The following SUMO3 variants were observed in gnomAD, a reference collection of about 807,000 sequenced individuals.
SUMO3 encodes the protein small ubiquitin-related modifier 3.
A neutral mutation model predicts 11.1 loss-of-function variants in SUMO3; 2 were observed. That is an observed-to-expected ratio of 0.18 (90% CI 0.07 to 0.57). The LOEUF (loss-of-function observed/expected upper bound fraction) is 0.57, where lower values mean the gene tolerates loss of function less well. SUMO3 is among the 20% of genes least tolerant of loss of function. The pLI, the probability that SUMO3 is intolerant of heterozygous loss-of-function variation, is 0.92. For synonymous variants in SUMO3, 56 were observed against 53.5 expected (o/e 1.05, Z -0.20); for missense variants, 70 against 132.8 (o/e 0.53, Z 2.32).
At chr21:44,814,863 A>G (rs989648414) in intron 1 of SUMO3, among the ~76,000 whole-genome samples, 3 of 152,230 alleles carry the variant, frequency 2.0e-5, no homozygotes, top group Non-Finnish European at 4.4e-5. Flanking sequence ...CTACTCAACA[A>G]TGGCACAATC....
Position 44,805,944 on chromosome 21 carries a change from C to G in SUMO3, c.*1007G>C, listed in dbSNP as rs1402091221. 2.6e-5 allele frequency: 4 copies of G among 152,328 alleles called. No individual in the cohort carries two copies. The highest frequency in any genetic ancestry group is 1.3e-4 in the Admixed American group (2 of 15,272). The allele number at this position is 152,328 out of a possible 1,614,324, so 9.4% of individuals were successfully genotyped here. On this transcript the variant is annotated 3_prime_UTR_variant, in exon 4 of 4. Transcript: ENST00000332859. ...ACCAGACTAATGCATAAATTCAATA[C>G]CTATTTGGAAAGCAGCACGGCACAA...
In SUMO3 at chr21:44,806,641, G is replaced by C; in HGVS notation, c.*310C>G. The C allele has an allele frequency of 2.2e-6, 1 of 452,792 alleles. No individual in the cohort carries two copies. The highest frequency in any genetic ancestry group is 2.4e-5 in the South Asian group (1 of 40,950). The allele number at this position is 452,792 out of a possible 1,614,324, so 28.0% of individuals were successfully genotyped here. A position where few individuals can be genotyped will look rare whatever the true frequency, so the allele number is the denominator to read the frequency against. On this transcript the variant is annotated 3_prime_UTR_variant, in exon 4 of 4. Coordinates refer to ENST00000332859, the MANE Select transcript of SUMO3 (RefSeq NM_006936.3). ...GGCCAGACTAAAAGCGAACATTCAG[G>C]CTATAATTTTGGGGTTAAAAAAATG... is the stretch of plus-strand genomic sequence containing the variant.
Position 44,807,036 on chromosome 21 carries a change from T to C in SUMO3, c.227A>G (p.Glu76Gly), listed in dbSNP as rs1226263799. ...INETDTPAQL[E>G]MEDEDTIDVF... is the part of the protein sequence containing the mutation. Reference sequence around the variant, plus strand: ...GTCGATGGTGTCCTCGTCCTCCATCTCCAGCTGTCATGGTTGTCACAACAG... The same window carrying C: ...GTCGATGGTGTCCTCGTCCTCCATCCCCAGCTGTCATGGTTGTCACAACAG... Residue 76 changes from glutamate (E) to glycine (G), a missense_variant, in exon 4 of 4, where the codon GAG (glutamate) becomes GGG (glycine). Glu to Gly is a moderately conservative substitution (Grantham distance 98). Coordinates refer to ENST00000332859, the MANE Select transcript of SUMO3 (RefSeq NM_006936.3). This position sits in a 1 kb window ranked among gnomAD's most constrained non-coding sequence, Gnocchi z 4.3. The C allele has an allele frequency of 2.5e-6, 4 of 1,613,816 alleles. No homozygotes were observed. The highest frequency in any genetic ancestry group is 2.5e-6 in the Non-Finnish European group (3 of 1,179,938).
chr21:44,814,198 A>C (rs796602003), intron 1 of SUMO3, 94 bp from the exon 2 acceptor site: 2 of 1,533,318 alleles, frequency 1.3e-6, no homozygotes, highest in Admixed American at 1.8e-5. Context: ...GGCTTTTTAA[A>C]GTCATCAAAA....
chr21:44,811,812 A>T lies in SUMO3; in HGVS notation c.150+2164T>A, dbSNP rs2146423163. On this transcript the variant is annotated intron_variant, in intron 2 of 3. Transcript: ENST00000332859. The surrounding 1 kb of genome is among the most constrained non-coding windows in gnomAD (Gnocchi z 5.0). Reference sequence around the variant, plus strand: ...GAGCAGCAGGAGGAACAGGAACTCCAAAAAGAGGGAACAGAGTCTGGAGAA... The same window carrying T: ...GAGCAGCAGGAGGAACAGGAACTCCTAAAAGAGGGAACAGAGTCTGGAGAA... Among the ~76,000 whole-genome samples, 1 of 152,298 alleles carries T rather than the reference A, an allele frequency of 6.6e-6. No homozygotes were observed. Among genetic ancestry groups the T allele is most frequent in the East Asian group, 1.9e-4 (1 of 5,172 alleles).
Position 44,817,932 on chromosome 21 carries a change from G to A in SUMO3, c.21+16C>T. On this transcript the variant is annotated intron_variant, in intron 1 of 3. Coordinates refer to ENST00000332859, the MANE Select transcript of SUMO3 (RefSeq NM_006936.3). ...CCCGCGATAGACGCGCGTGCAGGCG[G>A]GGTCGCCGCGCTTACCTTGGGCTTC... The A allele has an allele frequency of 8.5e-7, 1 of 1,170,192 alleles. No homozygotes were observed. The allele number at this position is 1,170,192 out of a possible 1,614,324, so 72.5% of individuals were successfully genotyped here.
In SUMO3 at chr21:44,818,006, G is replaced by A. The variant is rs1457283577; in HGVS notation, c.-38C>T. 2 of 1,173,090 alleles carry A rather than the reference G, an allele frequency of 1.7e-6. No individual in the cohort carries two copies. The highest frequency in any genetic ancestry group is 2.1e-6 in the Non-Finnish European group (2 of 950,752). The allele number at this position is 1,173,090 out of a possible 1,614,324, so 72.7% of individuals were successfully genotyped here. The stretch of plus-strand genomic sequence containing the variant: ...GGCGCGGGGAGGCGGCGCGGGGGAA[G>A]CAGCGCGGAGCGGGCGAGTCACGCT... On this transcript the variant is annotated 5_prime_UTR_variant, in exon 1 of 4. Transcript: ENST00000332859.
chr21:44,816,767 TG>T (rs569153183), intron 1 of SUMO3, among the ~76,000 whole-genome samples: 77 of 150,826 alleles, frequency 5.1e-4, no homozygotes, highest in African/African-American at 1.8e-3. Flanking sequence ...AGCATGGCAA[TG>T]GGGGAGACTA....
At position 44,806,631 on chromosome 21, in the gene SUMO3, G is replaced by A. The variant is rs762099154; in HGVS notation, c.*320C>T. The stretch of plus-strand genomic sequence containing the variant: ...TCAGATCCCTGGCCAGACTAAAAGC[G>A]AACATTCAGGCTATAATTTTGGGGT... On this transcript the variant is annotated 3_prime_UTR_variant, in exon 4 of 4. Coordinates refer to ENST00000332859, the MANE Select transcript of SUMO3 (RefSeq NM_006936.3). 40 of 399,936 alleles carry A rather than the reference G, an allele frequency of 1.0e-4. 2 individuals carry two copies. The highest frequency in any genetic ancestry group is 8.7e-4 in the Middle Eastern group (1 of 1,146). The allele number at this position is 399,936 out of a possible 1,614,324, so 24.8% of individuals were successfully genotyped here.
At chr21:44,813,581 A>G (rs146562340) in intron 2 of SUMO3, 4 of 269,504 alleles carry the variant, frequency 1.5e-5, no homozygotes, top group South Asian at 1.5e-4. Flanking sequence ...CTCATACGCG[A>G]GGACAGGGTG....
rs754192551 is a variant in SUMO3 at position 44,810,585 on chromosome 21, C to A, written c.151-1467G>T. On this transcript the variant is annotated intron_variant, in intron 2 of 3. Transcript: ENST00000332859. The surrounding 1 kb of genome is among the most constrained non-coding windows in gnomAD (Gnocchi z 4.1). ...GAAAGCGCGTGCCCTCAACACTGTGCGCCAAGTCCCCTCTCCCCTCCAGAT... is the reference window on the plus strand; with the variant it reads ...GAAAGCGCGTGCCCTCAACACTGTGAGCCAAGTCCCCTCTCCCCTCCAGAT... Among the ~76,000 whole-genome samples the A allele has an allele frequency of 6.6e-6, 1 of 152,216 alleles. No individual in the cohort carries two copies. Among genetic ancestry groups the A allele is most frequent in the African/African-American group, 2.4e-5 (1 of 41,452 alleles).
intron 2 of SUMO3, 127 bp downstream of exon 2, chr21:44,813,849 A>G (rs2146425222): frequency 6.4e-7 from 1 of 1,565,670 alleles, no homozygotes; most frequent in African/African-American, 1.3e-5. Flanking sequence ...CTGCCCATCC[A>G]CGAAGAGGGC....
intron 3 of SUMO3, chr21:44,808,316 T>A (rs528833700): frequency 8.5e-6 from 3 of 353,156 alleles, no homozygotes; most frequent in African/African-American, 4.3e-5. Flanking sequence ...ATCGAGACCA[T>A]CCTGGCTAAC....
At chr21:44,813,337 A>AC (rs2083223396) in intron 2 of SUMO3, among the ~76,000 whole-genome samples, 1 of 150,946 alleles carries the variant, frequency 6.6e-6, no homozygotes, top group Admixed American at 6.6e-5. Context: ...CTAGAGAGGG[A>AC]CCCCCTGGCC....
chr21:44,807,030 T>C lies in SUMO3; in HGVS notation c.233A>G (p.Glu78Gly). 1 of 1,613,906 alleles carries C rather than the reference T, an allele frequency of 6.2e-7. No individual in the cohort carries two copies. The highest frequency in any genetic ancestry group is 8.5e-7 in the Non-Finnish European group (1 of 1,179,950). The change falls in exon 4 of 4, where the codon GAG (glutamate) becomes GGG (glycine). Residue 78 changes from glutamate (E) to glycine (G), a missense_variant. Glu to Gly is a moderately conservative substitution (Grantham distance 98, BLOSUM62 -2). Transcript: ENST00000332859. The surrounding 1 kb of genome is among the most constrained non-coding windows in gnomAD (Gnocchi z 4.3). ...GAACACGTCGATGGTGTCCTCGTCC[T>C]CCATCTCCAGCTGTCATGGTTGTCA... ...ETDTPAQLEM[E>G]DEDTIDVFQQ...
chr21:44,816,261 T>C (rs1045484237), intron 1 of SUMO3, among the ~76,000 whole-genome samples: 1 of 152,240 alleles, frequency 6.6e-6, no homozygotes, highest in Non-Finnish European at 1.5e-5. Context: ...AGGACATTTA[T>C]ATTTGACCTA....
intron 1 of SUMO3, among the ~76,000 whole-genome samples, chr21:44,816,343 T>C (rs1038242329): frequency 6.6e-6 from 1 of 152,156 alleles, no homozygotes; most frequent in African/African-American, 2.4e-5. Context: ...AGTCAAAATG[T>C]AAAAAGCAAA....
chr21:44,813,774 C>G (rs2146425141), intron 2 of SUMO3: 9 of 1,479,096 alleles, frequency 6.1e-6, no homozygotes, highest in East Asian at 5.0e-5. Context: ...CTAGGTCCCT[C>G]CACCTTATAA....
At chr21:44,817,786 C>G (rs532999707) in intron 1 of SUMO3, among the ~76,000 whole-genome samples, 162 bp downstream of exon 1, 35 of 48,362 alleles carry the variant, frequency 7.2e-4, no homozygotes, top group African/African-American at 2.6e-3. Flanking sequence ...GCAGAGGGGG[C>G]GCACCTTGGG....
Sources: gnomAD v4.1 joint callset for allele counts (sites outside exome capture counted in the v4.1 genomes callset) on GRCh38, gnomAD v4.1.1 for gene constraint, Gnocchi (gnomAD v3.1) non-coding constraint, MANE v1.5 for transcripts, NCBI Gene and HGNC (gene_info 2026-07-23, HGNC 2026-07-21) for gene names.